Variants in THSD7B observed in about 807,000 individuals in gnomAD.
THSD7B encodes the protein thrombospondin type 1 domain containing 7B.
THSD7B carries 138 observed loss-of-function variants against 213.6 expected under a neutral mutation model. The observed-to-expected ratio is 0.65, with a 90% CI of 0.56 to 0.74. THSD7B has a LOEUF of 0.74. Ranked by LOEUF, THSD7B falls within the 30% of genes least tolerant of loss-of-function variation. THSD7B has a pLI of 0.00. For synonymous variants in THSD7B, 742 were observed against 687.0 expected, an observed-to-expected ratio of 1.08 and a Z score of -1.25; for missense variants, 1,931 against 1,991.5, an observed-to-expected ratio of 0.97 and a Z score of 0.58.
intron 12 of THSD7B, among the ~76,000 whole-genome samples, chr2:137,395,032 A>G (rs1173824312): frequency 7.0e-6 from 1 of 142,556 alleles, no homozygotes; most frequent in African/African-American, 2.6e-5. Flanking sequence ...GACTTTGCTG[A>G]AGTTGCTTAT....
chr2:137,648,379 C>A (rs1486486909), intron 21 of THSD7B, among the ~76,000 whole-genome samples: 2 of 143,208 alleles, frequency 1.4e-5, no homozygotes, highest in Admixed American at 1.4e-4. Context: ...TCATCTCCCC[C>A]CCTCACCCCT....
At chr2:137,545,944 A>T (rs967034407) in intron 15 of THSD7B, among the ~76,000 whole-genome samples, 5 of 151,678 alleles carry the variant, frequency 3.3e-5, no homozygotes, top group African/African-American at 1.2e-4. Context: ...AAAAAAAGTC[A>T]ATCCTTTTAG....
At chr2:137,523,661 G>A (rs995144148) in intron 15 of THSD7B, among the ~76,000 whole-genome samples, 3 of 152,088 alleles carry the variant, frequency 2.0e-5, no homozygotes, top group Non-Finnish European at 2.9e-5. Flanking sequence ...GAACCAAAAT[G>A]TATTCAGTCA....
At chr2:136,922,075 C>T (rs1684446507) in intron 2 of THSD7B, among the ~76,000 whole-genome samples, 1 of 152,198 alleles carries the variant, frequency 6.6e-6, no homozygotes, top group Admixed American at 6.5e-5. Context: ...TTCCCCTTCA[C>T]TGTCTGTCCT....
At chr2:136,981,509 A>G (rs1228506814) in intron 2 of THSD7B, among the ~76,000 whole-genome samples, 1 of 152,100 alleles carries the variant, frequency 6.6e-6, no homozygotes, top group Non-Finnish European at 1.5e-5. Flanking sequence ...GTTTAATTCT[A>G]TTCTAGCCAT....
intron 1 of THSD7B, among the ~76,000 whole-genome samples, chr2:136,832,827 G>A (rs1573659422): frequency 6.6e-6 from 1 of 152,178 alleles, no homozygotes; most frequent in Non-Finnish European, 1.5e-5. Context: ...AAGTTACCAA[G>A]TAGGTGGCCG....
At chr2:137,292,832 T>C (rs1252554788) in intron 12 of THSD7B, among the ~76,000 whole-genome samples, 1 of 152,166 alleles carries the variant, frequency 6.6e-6, no homozygotes, top group African/African-American at 2.4e-5. Context: ...CTGCTCTGCG[T>C]TGGCCATTCC....
chr2:137,652,727 C>G (rs541360982), intron 21 of THSD7B, among the ~76,000 whole-genome samples: 2 of 152,100 alleles, frequency 1.3e-5, no homozygotes, highest in East Asian at 3.9e-4. Context: ...TAAGTTTTTG[C>G]ATTATGGTTA....
intron 1 of THSD7B, among the ~76,000 whole-genome samples, chr2:136,817,075 C>T (rs554191839): frequency 3.3e-5 from 5 of 152,226 alleles, no homozygotes; most frequent in East Asian, 3.9e-4. Flanking sequence ...CCTCTATTGT[C>T]GGCTCATTCT....
chr2:137,060,006 T>C (rs1573795521), intron 3 of THSD7B, among the ~76,000 whole-genome samples: 1 of 152,118 alleles, frequency 6.6e-6, no homozygotes, highest in South Asian at 2.1e-4. Context: ...TTAGTGGAAG[T>C]TCTATTTTGT....
intron 10 of THSD7B, among the ~76,000 whole-genome samples, chr2:137,247,167 A>C (rs779487298): frequency 1.3e-5 from 2 of 152,212 alleles, no homozygotes; most frequent in Non-Finnish European, 2.9e-5. Flanking sequence ...TTTTTACTTT[A>C]AGATCACAAA....
chr2:137,241,342 T>C (rs17418765), intron 9 of THSD7B, among the ~76,000 whole-genome samples: 45,573 of 152,062 alleles, frequency 0.3, 7,344 homozygotes, highest in Non-Finnish European at 0.35. Flanking sequence ...TAGAATATAA[T>C]AAATGTGATT....
At chr2:137,465,742 C>T (rs1218920422) in intron 15 of THSD7B, among the ~76,000 whole-genome samples, 1 of 152,050 alleles carries the variant, frequency 6.6e-6, no homozygotes, top group Non-Finnish European at 1.5e-5. Flanking sequence ...GGCAAACAAG[C>T]CAGTAGCACT....
intron 24 of THSD7B, among the ~76,000 whole-genome samples, chr2:137,658,802 C>T (rs1449921479): frequency 6.6e-6 from 1 of 152,196 alleles, no homozygotes; most frequent in Non-Finnish European, 1.5e-5. Flanking sequence ...CGCTACTCTG[C>T]CTTAGGCCCA....
chr2:137,088,607 A>AT (rs1304797530), intron 3 of THSD7B, among the ~76,000 whole-genome samples: 7 of 73,682 alleles, frequency 9.5e-5, no homozygotes, highest in South Asian at 1.4e-3. Flanking sequence ...AGCAAATGCA[A>AT]TAAAAAAAAA....
chr2:137,583,066 T>A (rs1426500312), intron 17 of THSD7B, among the ~76,000 whole-genome samples: 1 of 152,248 alleles, frequency 6.6e-6, no homozygotes, highest in East Asian at 1.9e-4. Flanking sequence ...ATTGTGGTTT[T>A]GATTTGCATT....
chr2:137,659,858 A>G (rs1481786929), intron 25 of THSD7B, 112 bp downstream of exon 25: 2 of 976,012 alleles, frequency 2.0e-6, no homozygotes, highest in Non-Finnish European at 3.0e-6. Flanking sequence ...CGTGCCCATG[A>G]TACCATCTAG....
chr2:137,343,773 A>C (rs1038007489), intron 12 of THSD7B, among the ~76,000 whole-genome samples: 7 of 151,842 alleles, frequency 4.6e-5, no homozygotes, highest in Admixed American at 4.6e-4. Context: ...TAGGCTGAGA[A>C]CATGCTACAG....
intron 1 of THSD7B, among the ~76,000 whole-genome samples, chr2:136,797,198 G>C (rs1368451657): frequency 6.6e-6 from 1 of 151,854 alleles, no homozygotes; most frequent in South Asian, 2.1e-4. Flanking sequence ...TATTGAGAGT[G>C]GGTGAGAAAT....
Sources: allele counts gnomAD v4.1 joint callset (sites outside exome capture counted in the v4.1 genomes callset), GRCh38; gene constraint gnomAD v4.1.1; transcripts MANE v1.5; gene names NCBI Gene and HGNC (gene_info 2026-07-23, HGNC 2026-07-21).